Variants in EXOSC10 observed in about 807,000 individuals in gnomAD.
The protein encoded by EXOSC10 is exosome component 10.
Under a neutral mutation model 126.6 loss-of-function variants are expected in EXOSC10, and 94 were observed. The observed-to-expected ratio is 0.74, with a 90% CI of 0.63 to 0.88. The LOEUF (loss-of-function observed/expected upper bound fraction) is 0.88. Among genes scored for constraint, EXOSC10 ranks in the 40% least tolerant of loss-of-function variants. The pLI, the probability that EXOSC10 is intolerant of heterozygous loss-of-function variation, is 0.00. For synonymous variants in EXOSC10, 395 were observed against 400.8 expected (o/e 0.99, Z 0.17); for missense variants, 1,041 against 1,100.5 (o/e 0.95, Z 0.77).
rs745419036 is a variant in EXOSC10 at position 11,079,832 on chromosome 1, A to G, written c.1638-10T>C. 3 of 1,602,186 alleles carry G rather than the reference A, an allele frequency of 1.9e-6. No individual in the cohort carries two copies. Among genetic ancestry groups the G allele is most frequent in the East Asian group, 4.5e-5 (2 of 44,634 alleles). On this transcript the variant is annotated splice_polypyrimidine_tract_variant and intron_variant, in intron 13 of 24. Transcript: ENST00000376936. ...GATGCCCTGAGGTTCCCTGAAGACA[A>G]GTAAGAACACACTCAACTTGTCACT...
At position 11,095,857 on chromosome 1, in the gene EXOSC10, A is replaced by G. The variant is rs767934543; in HGVS notation, c.273T>C (p.His91=). The part of the protein sequence containing the change: ...LQCMSRVMQY[H]GCRSNIKDRS... The stretch of plus-strand genomic sequence containing the variant: ...GATCCTTAATGTTGCTGCGACACCC[A>G]TGGTACTGCATTACTCTGCTCATGC... The change falls in exon 3 of 25, where the codon CAT becomes CAC. Residue 91 remains histidine (H), a synonymous_variant. Coordinates refer to ENST00000376936, the MANE Select transcript of EXOSC10 (RefSeq NM_001001998.3). 3.3e-5 allele frequency: 53 copies of G among 1,613,854 alleles called. 1 individual carries two copies. In the East Asian group the frequency reaches 1.2e-3, roughly 35 times the overall value.
Position 11,099,826 on chromosome 1 carries a change from C to A in EXOSC10, c.6G>T (p.Ala2=). 1 of 1,604,262 alleles carries A rather than the reference C, an allele frequency of 6.2e-7. No individual in the cohort carries two copies. Among genetic ancestry groups the A allele is most frequent in the Non-Finnish European group, 8.5e-7 (1 of 1,175,014 alleles). M[A]PPSTREPRVL... ...CCCTGGGCTCCCGGGTACTGGGTGG[C>A]GCCATTTTTTCAGCCTGCACGGCTC... Residue 2 remains alanine, a synonymous_variant, in exon 1 of 25, where the codon GCG becomes GCT. Coordinates refer to ENST00000376936, the MANE Select transcript of EXOSC10 (RefSeq NM_001001998.3).
At chr1:11,099,131 C>A (rs1283686646) in intron 1 of EXOSC10, among the ~76,000 whole-genome samples, 3 of 152,226 alleles carry the variant, frequency 2.0e-5, no homozygotes, top group East Asian at 3.8e-4. Context: ...TTTGTAAGAG[C>A]TATGCACACC....
intron 20 of EXOSC10, 55 bp from the exon 21 acceptor site, chr1:11,071,028 C>T (rs906755552): frequency 2.6e-6 from 4 of 1,516,338 alleles, no homozygotes; most frequent in Non-Finnish European, 2.7e-6. Flanking sequence ...CCACCCTCCC[C>T]TCCATCTCCA....
chr1:11,074,324 T>C lies in EXOSC10; in HGVS notation c.1989A>G (p.Glu663=), dbSNP rs758171184. 1 of 1,612,908 alleles carries C rather than the reference T, an allele frequency of 6.2e-7. No individual in the cohort carries two copies. Among genetic ancestry groups the C allele is most frequent in the Non-Finnish European group, 8.5e-7 (1 of 1,178,950 alleles). The part of the protein sequence containing the change: ...IATAVITLFN[E]PSAEDSKKGP... ...CCTTTTTACTGTCTTCAGCACTAGG[T>C]TCCTGCAGGGACAGACAAAAAACGA... The change falls in exon 18 of 25, where the codon GAA becomes GAG. Residue 663 remains glutamate, a splice_region_variant and synonymous_variant. Transcript: ENST00000376936.
intron 9 of EXOSC10, 135 bp downstream of exon 9, chr1:11,087,312 CA>C (rs1446870518): frequency 2.0e-6 from 2 of 1,015,448 alleles, no homozygotes; most frequent in African/African-American, 3.2e-5. Flanking sequence ...AGCCATTTAG[CA>C]CTGTACCCTA....
chr1:11,075,970 A>G (rs1639794520), intron 17 of EXOSC10, among the ~76,000 whole-genome samples: 1 of 151,070 alleles, frequency 6.6e-6, no homozygotes, highest in Non-Finnish European at 1.5e-5. Flanking sequence ...ATTCGAGACC[A>G]GCCTGGCCAA....
chr1:11,093,661 C>T (rs1640914971), intron 3 of EXOSC10, among the ~76,000 whole-genome samples: 1 of 152,208 alleles, frequency 6.6e-6, no homozygotes, highest in South Asian at 2.1e-4. Context: ...ATACACATCT[C>T]CTTCCAATCC....
At chr1:11,075,646 C>A (rs1462862150) in intron 17 of EXOSC10, among the ~76,000 whole-genome samples, 1 of 152,016 alleles carries the variant, frequency 6.6e-6, no homozygotes, top group Non-Finnish European at 1.5e-5. Context: ...AAGTTAAAAA[C>A]CAAAGTGAAG....
At chr1:11,092,227 T>A (rs543750114) in intron 3 of EXOSC10, among the ~76,000 whole-genome samples, 1 of 152,312 alleles carries the variant, frequency 6.6e-6, no homozygotes, top group East Asian at 1.9e-4. Context: ...TTTTTCTTTT[T>A]TCTTTTTTGA....
chr1:11,084,727 AG>A (rs1640393184), intron 9 of EXOSC10, among the ~76,000 whole-genome samples: 1 of 152,180 alleles, frequency 6.6e-6, no homozygotes, highest in Non-Finnish European at 1.5e-5. Flanking sequence ...GGTATTGCCT[AG>A]GTTTCCTTCT....
At chr1:11,088,297 A>G in intron 6 of EXOSC10, 99 bp from the exon 7 acceptor site, 1 of 774,366 alleles carries the variant, frequency 1.3e-6, no homozygotes, top group South Asian at 1.8e-5. Flanking sequence ...AAATGAGAAA[A>G]GACCACTGTG....
rs561657510 is a variant in EXOSC10 at position 11,072,069 on chromosome 1, C to G, written c.2242+18G>C. 1.2e-6 allele frequency: 2 copies of G among 1,600,586 alleles called. No homozygotes were observed. The highest frequency in any genetic ancestry group is 2.7e-5 in the African/African-American group (2 of 74,532). On this transcript the variant is annotated intron_variant, in intron 20 of 24. Coordinates refer to ENST00000376936, the MANE Select transcript of EXOSC10 (RefSeq NM_001001998.3). ...CATTCTTTAACAGCCGACTGAGTTG[C>G]AAGGAAGTGAGTGTTACCTGTTTGC...
chr1:11,082,645 CT>C, intron 10 of EXOSC10, 42 bp downstream of exon 10: 1 of 1,608,970 alleles, frequency 6.2e-7, no homozygotes, highest in Non-Finnish European at 8.5e-7. Context: ...TGAATAATCA[CT>C]TTCTTCTGCC....
rs528199677 is a variant in EXOSC10, at chr1:11,097,196, C to T, written c.248+824G>A. Among the ~76,000 whole-genome samples, 55 of 150,790 alleles carry T rather than the reference C, an allele frequency of 3.6e-4. 2 individuals are homozygous for T. The East Asian group carries it at 0.011, about 30-fold the overall frequency. On this transcript the variant is annotated intron_variant, in intron 2 of 24. Transcript: ENST00000376936. ...CTGCACTTCAGCCTGGGCGACAGAG[C>T]AAGACTCCGTACTCCCCCCCAACAA...
In EXOSC10 at chr1:11,099,824, G is replaced by A. The variant is rs1328200083; in HGVS notation, c.8C>T (p.Pro3Leu). Residue 3 changes from proline (P) to leucine (L), a missense_variant, in exon 1 of 25, where the codon CCA becomes CTA. Coordinates refer to ENST00000376936, the MANE Select transcript of EXOSC10 (RefSeq NM_001001998.3). ...GACCCTGGGCTCCCGGGTACTGGGT[G>A]GCGCCATTTTTTCAGCCTGCACGGC... MA[P>L]PSTREPRVLS... The A allele has an allele frequency of 4.4e-6, 7 of 1,605,392 alleles. No individual in the cohort carries two copies. The South Asian group carries it at 5.5e-5, about 13-fold the overall frequency.
chr1:11,089,102 G>C (rs565947761), intron 6 of EXOSC10, among the ~76,000 whole-genome samples: 1 of 151,752 alleles, frequency 6.6e-6, no homozygotes, highest in South Asian at 2.1e-4. Context: ...ACAGTGATGT[G>C]TGCCTGTAGT....
At chr1:11,093,638 G>A (rs1640913584) in intron 3 of EXOSC10, among the ~76,000 whole-genome samples, 1 of 152,210 alleles carries the variant, frequency 6.6e-6, no homozygotes, top group Non-Finnish European at 1.5e-5. Context: ...TAGATAGTAA[G>A]CAAGACAGAA....
chr1:11,071,145 G>T (rs1639463904), intron 20 of EXOSC10, 172 bp from the exon 21 acceptor site: 1 of 597,912 alleles, frequency 1.7e-6, no homozygotes, highest in Non-Finnish European at 3.0e-6. Context: ...CAGAGCTCAG[G>T]CTCAGGTGCT....
Sources: allele counts gnomAD v4.1 joint callset (sites outside exome capture counted in the v4.1 genomes callset), GRCh38; gene constraint gnomAD v4.1.1; transcripts MANE v1.5; gene names NCBI Gene and HGNC (gene_info 2026-07-23, HGNC 2026-07-21).